Variants in SFXN1 observed in about 807,000 individuals in gnomAD.
SFXN1 encodes the protein sideroflexin-1.
SFXN1 carries 32 observed loss-of-function variants against 39.5 expected under a neutral mutation model. The ratio of observed to expected loss-of-function variants is 0.81; its 90% CI spans 0.61 to 1.09. The LOEUF (loss-of-function observed/expected upper bound fraction) is 1.09. Ranked by LOEUF, SFXN1 falls within the 50% of genes least tolerant of loss-of-function variation. The probability of loss-of-function intolerance (pLI) is 0.00; values close to 1 mark genes in which losing one functional copy is unlikely to be tolerated. For missense variants in SFXN1, 402 were observed against 407.1 expected (o/e 0.99, Z 0.11); for synonymous variants, 136 against 146.5 (o/e 0.93, Z 0.52).
At position 175,497,936 on chromosome 5, in the gene SFXN1, GAA is replaced by G. The variant is rs71581646; in HGVS notation, c.164+5687_164+5688del. Among the ~76,000 whole-genome samples the G allele has an allele frequency of 8.1e-3, 773 of 95,904 alleles. 5 individuals are homozygous for G. In the Middle Eastern group the frequency reaches 0.093, roughly 12 times the overall value. 62.9% of individuals were successfully genotyped at this position (95,904 alleles called of 152,430 possible). ...CAAGAGCAAAACTCCGTCTCAAAAA[GAA>G]AAAAAAAAAAAAAAAAACCACAATT... is the stretch of plus-strand genomic sequence containing the variant. On this transcript the variant is annotated intron_variant, in intron 2 of 10. Coordinates refer to ENST00000321442, the MANE Select transcript of SFXN1 (RefSeq NM_022754.7).
intron 6 of SFXN1, among the ~76,000 whole-genome samples, chr5:175,512,751 T>C (rs545261555): frequency 2.0e-5 from 3 of 152,282 alleles, no homozygotes; most frequent in East Asian, 1.9e-4. Context: ...TTAATAAATA[T>C]ACAGTAGGGC....
intron 4 of SFXN1, among the ~76,000 whole-genome samples, chr5:175,510,710 G>A (rs1246296812): frequency 2.0e-5 from 3 of 151,880 alleles, no homozygotes; most frequent in East Asian, 3.9e-4. Flanking sequence ...AAAGCAATGA[G>A]TTTTAATTTT....
intron 1 of SFXN1, among the ~76,000 whole-genome samples, chr5:175,480,022 A>T (rs1038458372): frequency 3.9e-5 from 6 of 152,138 alleles, no homozygotes; most frequent in African/African-American, 1.2e-4. Flanking sequence ...GTTTGGGAGG[A>T]TGAATGGGGT....
rs193134520 is a variant in SFXN1 at position 175,501,306 on chromosome 5, T to G, written c.165-7726T>G. Among the ~76,000 whole-genome samples, 844 of 152,084 alleles carry G rather than the reference T, an allele frequency of 5.5e-3. 29 individuals carry two copies. Among genetic ancestry groups the G allele is most frequent in the Admixed American group, 0.049 (750 of 15,262 alleles). ...GATGGTCTCGATCTCCTGACCTCGT[T>G]ATCCGCCCGCCTCGGCCCCCGAAAG... On this transcript the variant is annotated intron_variant, in intron 2 of 10. Coordinates refer to ENST00000321442, the MANE Select transcript of SFXN1 (RefSeq NM_022754.7).
intron 2 of SFXN1, among the ~76,000 whole-genome samples, chr5:175,497,077 C>T (rs1416860294): frequency 2.6e-5 from 4 of 152,006 alleles, no homozygotes; most frequent in African/African-American, 7.2e-5. Flanking sequence ...TTTAGTAAGA[C>T]GGTGTTTCAC....
chr5:175,504,395 T>G (rs1760208517), intron 2 of SFXN1, among the ~76,000 whole-genome samples: 1 of 151,656 alleles, frequency 6.6e-6, no homozygotes, highest in African/African-American at 2.4e-5. Flanking sequence ...GCCAACATGG[T>G]GAAACCCCGT....
intron 1 of SFXN1, among the ~76,000 whole-genome samples, chr5:175,490,451 T>C (rs908486532): frequency 1.3e-5 from 2 of 152,208 alleles, no homozygotes; most frequent in Admixed American, 6.5e-5. Flanking sequence ...GTCCATGATA[T>C]GTGTTCATTG....
rs748560789 is a variant in SFXN1 at position 175,510,073 on chromosome 5, G to A, written c.336-36G>A. Reference sequence around the variant, plus strand: ...CTGTTCCATGCCGCGGCTGGGCCCAGTGATGGTGGGTATGTGACGGATGCC... The same window carrying A: ...CTGTTCCATGCCGCGGCTGGGCCCAATGATGGTGGGTATGTGACGGATGCC... On this transcript the variant is annotated intron_variant, in intron 3 of 10. Transcript: ENST00000321442. The A allele has an allele frequency of 3.2e-6, 5 of 1,573,176 alleles. No individual in the cohort carries two copies. The South Asian group carries it at 5.7e-5, about 18-fold the overall frequency.
intron 1 of SFXN1, among the ~76,000 whole-genome samples, chr5:175,487,688 C>T (rs1249806956): frequency 1.3e-5 from 2 of 152,132 alleles, no homozygotes; most frequent in African/African-American, 2.4e-5. Flanking sequence ...ACAACTCCCA[C>T]GGATAATCTC....
intron 2 of SFXN1, among the ~76,000 whole-genome samples, chr5:175,499,748 C>T: frequency 6.6e-6 from 1 of 152,176 alleles, no homozygotes; most frequent in South Asian, 2.1e-4. Context: ...GATTTCTGCT[C>T]TCGTTAACTT....
chr5:175,526,496 C>G (rs2113372397), intron 10 of SFXN1, 142 bp from the exon 11 acceptor site: 1 of 652,434 alleles, frequency 1.5e-6, no homozygotes, highest in East Asian at 2.6e-5. Context: ...ATCTCGTTTT[C>G]TAGCCGCATG....
chr5:175,508,628 G>T (rs541506757), intron 2 of SFXN1, among the ~76,000 whole-genome samples: 1 of 147,376 alleles, frequency 6.8e-6, no homozygotes, highest in Non-Finnish European at 1.5e-5. Context: ...AGGCACAAGT[G>T]TTTTAGGTGA....
chr5:175,509,273 T>C, intron 3 of SFXN1, 71 bp downstream of exon 3: 1 of 1,460,068 alleles, frequency 6.8e-7, no homozygotes, highest in East Asian at 2.3e-5. Flanking sequence ...TGTATGTAAA[T>C]AATTTTGTTG....
chr5:175,489,042 C>T (rs747756123), intron 1 of SFXN1, among the ~76,000 whole-genome samples: 38 of 152,100 alleles, frequency 2.5e-4, no homozygotes, highest in Non-Finnish European at 2.6e-4. Flanking sequence ...TTCACCGATG[C>T]GGCCCAAGAG....
In SFXN1 at chr5:175,512,344, G is replaced by A; in HGVS notation, c.596+148G>A. The A allele has an allele frequency of 5.4e-6, 4 of 741,200 alleles. No homozygotes were observed. In the South Asian group the frequency reaches 5.7e-5, roughly 10 times the overall value. The allele number at this position is 741,200 out of a possible 1,614,324, so 45.9% of individuals were successfully genotyped here. A position where few individuals can be genotyped will look rare whatever the true frequency, so the allele number is the denominator to read the frequency against. On this transcript the variant is annotated intron_variant, in intron 6 of 10. Transcript: ENST00000321442. The stretch of plus-strand genomic sequence containing the variant: ...CTTGGATTTCTTTTGAAATACTCTG[G>A]GGTTGGGGATGAGGATGGGCGTCTT...
chr5:175,516,762 A>G, intron 8 of SFXN1, 99 bp downstream of exon 8: 8 of 1,219,666 alleles, frequency 6.6e-6, no homozygotes, highest in Non-Finnish European at 9.3e-6. Context: ...AAAGAAGCCG[A>G]AGGCCAGTTT....
chr5:175,504,545 A>G (rs1760214495), intron 2 of SFXN1, among the ~76,000 whole-genome samples: 1 of 151,474 alleles, frequency 6.6e-6, no homozygotes, highest in South Asian at 2.1e-4. Flanking sequence ...ACTGCACTCC[A>G]GCCTGGCAAC....
At position 175,526,812 on chromosome 5, in the gene SFXN1, A is replaced by G. The variant is rs1761078508; in HGVS notation, c.*78A>G. On this transcript the variant is annotated 3_prime_UTR_variant, in exon 11 of 11. Coordinates refer to ENST00000321442, the MANE Select transcript of SFXN1 (RefSeq NM_022754.7). ...CATGCTGGTGAGAAAAATCCTGTTC[A>G]ACCTGGGTTCTCCCAGTTACGGAAA... 1 of 1,207,010 alleles carries G rather than the reference A, an allele frequency of 8.3e-7. No homozygotes were observed. Among genetic ancestry groups the G allele is most frequent in the Admixed American group, 1.8e-5 (1 of 56,404 alleles). The allele number at this position is 1,207,010 out of a possible 1,614,324, so 74.8% of individuals were successfully genotyped here. A position where few individuals can be genotyped will look rare whatever the true frequency, so the allele number is the denominator to read the frequency against.
intron 8 of SFXN1, among the ~76,000 whole-genome samples, chr5:175,518,121 A>G (rs2113352414): frequency 6.6e-6 from 1 of 152,286 alleles, no homozygotes; most frequent in African/African-American, 2.4e-5. Flanking sequence ...CAGTAAACCA[A>G]GAAGTTCACC....
Sources: gnomAD v4.1 joint callset for allele counts (sites outside exome capture counted in the v4.1 genomes callset) on GRCh38, gnomAD v4.1.1 for gene constraint, MANE v1.5 for transcripts, NCBI Gene and HGNC (gene_info 2026-07-23, HGNC 2026-07-21) for gene names.